The following NINJ1 variants were observed in gnomAD, a reference collection of about 807,000 sequenced individuals.
NINJ1 encodes the protein ninjurin 1.
A neutral mutation model predicts 12.7 loss-of-function variants in NINJ1; 6 were observed. The ratio of observed to expected loss-of-function variants is 0.47; its 90% confidence interval spans 0.26 to 0.93. The LOEUF is 0.93. Ranked by LOEUF, NINJ1 falls within the 40% of genes least tolerant of loss-of-function variation. The probability of loss-of-function intolerance (pLI) is 0.15; values close to 1 mark genes in which losing one functional copy is unlikely to be tolerated. For missense variants in NINJ1, 170 were observed against 213.0 expected (o/e 0.80, Z 1.26); for synonymous variants, 100 against 96.0 (o/e 1.04, Z -0.25).
chr9:93,124,067 GAC>G, intron 3 of NINJ1, among the ~76,000 whole-genome samples: 1 of 152,258 alleles, frequency 6.6e-6, no homozygotes, highest in East Asian at 1.9e-4. Flanking sequence ...GCAAGGGGCA[GAC>G]TTGAAGAGTC....
rs1369944106 is a variant in NINJ1 at position 93,134,177 on chromosome 9, AGGC to A, written c.38_40del (p.Gly13_Leu14delinsVal). ...CGGGGAGCCGGGTGTGCCCGGAGGCAGGCCGCCGTTGAGCTCGTACTCCTCGGT... is the reference window on the plus strand; with the variant it reads ...CGGGGAGCCGGGTGTGCCCGGAGGCACGCCGTTGAGCTCGTACTCCTCGGT... On this transcript the variant is annotated inframe_deletion, in exon 1 of 4. Coordinates refer to ENST00000375446, the MANE Select transcript of NINJ1 (RefSeq NM_004148.4). 4 of 1,552,262 alleles carry A rather than the reference AGGC, an allele frequency of 2.6e-6. No individual in the cohort carries two copies. Among genetic ancestry groups the A allele is most frequent in the Non-Finnish European group, 1.7e-6 (2 of 1,148,964 alleles).
intron 3 of NINJ1, among the ~76,000 whole-genome samples, chr9:93,123,768 G>T (rs997175199): frequency 6.6e-6 from 1 of 152,224 alleles, no homozygotes; most frequent in African/African-American, 2.4e-5. Flanking sequence ...GCCTAAGGTC[G>T]CGGGGACTGT....
intron 3 of NINJ1, among the ~76,000 whole-genome samples, chr9:93,123,691 G>C (rs1478649536): frequency 1.3e-5 from 2 of 152,220 alleles, no homozygotes; most frequent in African/African-American, 4.8e-5. Context: ...CCACCTGCCA[G>C]GAGTGCCCAC....
Position 93,134,173 on chromosome 9 carries a change from A to G in NINJ1, c.45T>C (p.Pro15=), listed in dbSNP as rs1187946358. The change falls in exon 1 of 4, where the codon CCT becomes CCC. Residue 15 remains proline (P), a synonymous_variant. Coordinates refer to ENST00000375446, the MANE Select transcript of NINJ1 (RefSeq NM_004148.4). ...TEEYELNGGL[P]PGTPGSPDAS... ...CGTCCGGGGAGCCGGGTGTGCCCGG[A>G]GGCAGGCCGCCGTTGAGCTCGTACT... 1 of 1,555,086 alleles carries G rather than the reference A, an allele frequency of 6.4e-7. No homozygotes were observed. Among genetic ancestry groups the G allele is most frequent in the African/African-American group, 1.4e-5 (1 of 72,708 alleles).
At chr9:93,124,778 G>A in intron 3 of NINJ1, 121 bp downstream of exon 3, 1 of 1,081,316 alleles carries the variant, frequency 9.2e-7, no homozygotes, top group Non-Finnish European at 1.3e-6. Flanking sequence ...GTGTGGACGA[G>A]GATGCCCATG....
At chr9:93,133,871 T>C (rs2130755722) in intron 1 of NINJ1, among the ~76,000 whole-genome samples, 1 of 152,262 alleles carries the variant, frequency 6.6e-6, no homozygotes, top group Non-Finnish European at 1.5e-5. Context: ...CCCTCCGCCG[T>C]GCAGCCAAGC....
At chr9:93,127,250 G>A (rs1386728477) in intron 1 of NINJ1, among the ~76,000 whole-genome samples, 2 of 152,314 alleles carry the variant, frequency 1.3e-5, no homozygotes, top group East Asian at 1.9e-4. Flanking sequence ...CCCAGAGCCC[G>A]GCCCCGACAC....
chr9:93,131,838 T>G (rs1445331243), intron 1 of NINJ1, among the ~76,000 whole-genome samples: 1 of 152,182 alleles, frequency 6.6e-6, no homozygotes, highest in Non-Finnish European at 1.5e-5. Context: ...GTTCCACGTG[T>G]GGCTCCTCCC....
intron 1 of NINJ1, among the ~76,000 whole-genome samples, chr9:93,128,145 C>A (rs528640988): frequency 1.3e-5 from 2 of 152,300 alleles, no homozygotes; most frequent in African/African-American, 4.8e-5. Flanking sequence ...GACACATGTG[C>A]GCACAGGGAC....
At chr9:93,132,339 C>T (rs147005141) in intron 1 of NINJ1, among the ~76,000 whole-genome samples, 1 of 152,202 alleles carries the variant, frequency 6.6e-6, no homozygotes, top group Non-Finnish European at 1.5e-5. Context: ...GACACCAGAC[C>T]GTGATCAGGC....
intron 1 of NINJ1, 119 bp downstream of exon 1, chr9:93,134,024 C>A: frequency 1.5e-6 from 1 of 675,332 alleles, no homozygotes; most frequent in Admixed American, 3.6e-5. Context: ...TGGCCTAGAG[C>A]GGGACGTCCC....
At chr9:93,126,829 C>T (rs1827819285) in intron 1 of NINJ1, among the ~76,000 whole-genome samples, 191 bp from the exon 2 acceptor site, 1 of 152,184 alleles carries the variant, frequency 6.6e-6, no homozygotes. Flanking sequence ...TTTATAAAAC[C>T]TCCCCTAGGA....
intron 1 of NINJ1, among the ~76,000 whole-genome samples, chr9:93,127,244 G>A (rs891778570): frequency 1.3e-5 from 2 of 152,222 alleles, no homozygotes; most frequent in South Asian, 4.1e-4. Flanking sequence ...GGGCCACCCA[G>A]AGCCCGGCCC....
intron 1 of NINJ1, among the ~76,000 whole-genome samples, chr9:93,133,356 G>A (rs1564221518): frequency 6.6e-6 from 1 of 152,238 alleles, no homozygotes; most frequent in Admixed American, 6.5e-5. Flanking sequence ...TCCCTGAGGG[G>A]GTTAGAAAAG....
intron 2 of NINJ1, 153 bp from the exon 3 acceptor site, chr9:93,125,215 G>A (rs971606284): frequency 3.6e-5 from 25 of 702,410 alleles, no homozygotes; most frequent in Non-Finnish European, 5.3e-5. Flanking sequence ...GTCGCCCAGA[G>A]AAAAATACAT....
intron 2 of NINJ1, 145 bp from the exon 3 acceptor site, chr9:93,125,207 C>G: frequency 2.6e-6 from 2 of 772,730 alleles, no homozygotes; most frequent in South Asian, 4.4e-5. Context: ...TGAGTTTTGT[C>G]GCCCAGAGAA....
chr9:93,122,658 G>T (rs1827751873), intron 3 of NINJ1, among the ~76,000 whole-genome samples: 1 of 152,198 alleles, frequency 6.6e-6, no homozygotes, highest in Non-Finnish European at 1.5e-5. Context: ...TTACTGCCAG[G>T]ACTTAGAGGC....
chr9:93,128,431 C>T (rs905529775), intron 1 of NINJ1, among the ~76,000 whole-genome samples: 3 of 152,218 alleles, frequency 2.0e-5, no homozygotes, highest in Admixed American at 1.3e-4. Context: ...GTGTCCCTGT[C>T]CCACCACTGT....
At chr9:93,125,290 C>T (rs1228507578) in intron 2 of NINJ1, 2 of 407,640 alleles carry the variant, frequency 4.9e-6, no homozygotes, top group African/African-American at 4.1e-5. Context: ...TATGACCCCA[C>T]CTTCTGTAGC....
Sources: allele counts gnomAD v4.1 joint callset (sites outside exome capture counted in the v4.1 genomes callset), GRCh38; gene constraint gnomAD v4.1.1; transcripts MANE v1.5; gene names NCBI Gene and HGNC (gene_info 2026-07-23, HGNC 2026-07-21).